Variants in CWH43 observed in about 807,000 individuals in gnomAD.
CWH43 encodes PGAP2-interacting protein.
A neutral mutation model predicts 85.7 loss-of-function variants in CWH43; 91 were observed. The observed-to-expected ratio is 1.06, with a 90% CI of 0.90 to 1.26. The LOEUF (loss-of-function observed/expected upper bound fraction) is 1.26, where lower values mean the gene tolerates loss of function less well. CWH43 is among the 50% of genes most tolerant of loss of function. The pLI, the probability that CWH43 is intolerant of heterozygous loss-of-function variation, is 0.00. For synonymous variants in CWH43, 323 were observed against 293.6 expected (o/e 1.10, Z -1.02); for missense variants, 869 against 839.2 (o/e 1.04, Z -0.44).
In CWH43 at chr4:49,062,075, C is replaced by G. The variant is rs1187377339; in HGVS notation, c.*185C>G. 9.1e-6 allele frequency: 3 copies of G among 331,380 alleles called. No homozygotes were observed. The East Asian group carries it at 1.9e-4, about 22-fold the overall frequency. 20.5% of individuals were successfully genotyped at this position (331,380 alleles called of 1,614,324 possible). On this transcript the variant is annotated 3_prime_UTR_variant, in exon 16 of 16. Coordinates refer to ENST00000226432, the MANE Select transcript of CWH43 (RefSeq NM_025087.3). ...TATGTTGCTTAATAAAAACATTTCT[C>G]TAAATTGTTTTCCCTAAATTTTGAT...
chr4:48,996,122 C>T (rs948082652), intron 5 of CWH43, among the ~76,000 whole-genome samples: 1 of 152,174 alleles, frequency 6.6e-6, no homozygotes, highest in Non-Finnish European at 1.5e-5. Flanking sequence ...TCCTGTCCCC[C>T]CTCTGCCTGG....
At chr4:49,030,446 G>T (rs1354684162) in intron 10 of CWH43, among the ~76,000 whole-genome samples, 1 of 152,274 alleles carries the variant, frequency 6.6e-6, no homozygotes, top group East Asian at 1.9e-4. Flanking sequence ...TTAGTTCTGG[G>T]TCAGTACTAT....
Position 49,004,002 on chromosome 4 carries a change from T to C in CWH43, c.1060+10T>C. 1.2e-6 allele frequency: 2 copies of C among 1,602,440 alleles called. No individual in the cohort carries two copies. The highest frequency in any genetic ancestry group is 1.7e-6 in the Non-Finnish European group (2 of 1,176,526). ...TCAGATGTGCTTTTGGGTGAGTACA[T>C]TTGAAAGGTCTGGATTAAAATAATT... On this transcript the variant is annotated intron_variant, in intron 7 of 15. Coordinates refer to ENST00000226432, the MANE Select transcript of CWH43 (RefSeq NM_025087.3).
intron 4 of CWH43, among the ~76,000 whole-genome samples, chr4:48,993,108 G>C (rs573154447): frequency 7.7e-4 from 117 of 152,256 alleles, no homozygotes; most frequent in African/African-American, 2.6e-3. Flanking sequence ...ATGTGACCCA[G>C]TTCCTGGCTG....
At chr4:48,989,246 A>G (rs1280046921) in intron 2 of CWH43, among the ~76,000 whole-genome samples, 2 of 152,202 alleles carry the variant, frequency 1.3e-5, no homozygotes, top group Non-Finnish European at 2.9e-5. Flanking sequence ...AATCAAATGT[A>G]TAGGTCATAA....
intron 8 of CWH43, among the ~76,000 whole-genome samples, chr4:49,014,993 A>G (rs1783494791): frequency 6.6e-6 from 1 of 152,096 alleles, no homozygotes; most frequent in South Asian, 2.1e-4. Flanking sequence ...ATCATACAGA[A>G]TACTTTCTCT....
chr4:48,999,808 ACCCAG>A (rs1782932270), intron 6 of CWH43, among the ~76,000 whole-genome samples: 1 of 151,932 alleles, frequency 6.6e-6, no homozygotes, highest in African/African-American at 2.4e-5. Flanking sequence ...CCAGCCTTCC[ACCCAG>A]CTGTAGGGTC....
chr4:49,061,477 T>C (rs1340838210), intron 15 of CWH43, among the ~76,000 whole-genome samples: 1 of 152,238 alleles, frequency 6.6e-6, no homozygotes, highest in Non-Finnish European at 1.5e-5. Flanking sequence ...TAGATTTTTA[T>C]ATGCATAAAT....
chr4:48,987,976 G>A (rs747897990), intron 1 of CWH43, among the ~76,000 whole-genome samples: 1 of 152,046 alleles, frequency 6.6e-6, no homozygotes, highest in Non-Finnish European at 1.5e-5. Flanking sequence ...GGGTCCTGAC[G>A]GGATGCCAAA....
chr4:49,007,800 G>A (rs1783210959), intron 8 of CWH43, among the ~76,000 whole-genome samples: 1 of 152,152 alleles, frequency 6.6e-6, no homozygotes, highest in Non-Finnish European at 1.5e-5. Context: ...CAAAGGACAT[G>A]AACTCATTTT....
At chr4:49,030,685 T>C in intron 10 of CWH43, 140 bp from the exon 11 acceptor site, 2 of 661,124 alleles carry the variant, frequency 3.0e-6, no homozygotes, top group Non-Finnish European at 4.5e-6. Flanking sequence ...CACTTCTCTC[T>C]AGTGACTCAC....
chr4:49,046,065 A>G (rs1784612641), intron 14 of CWH43, among the ~76,000 whole-genome samples: 1 of 151,334 alleles, frequency 6.6e-6, no homozygotes, highest in South Asian at 2.1e-4. Flanking sequence ...CTTCTTTTTT[A>G]TTTGTTTATT....
chr4:48,996,733 A>G (rs1382274251), intron 5 of CWH43, among the ~76,000 whole-genome samples: 1 of 152,212 alleles, frequency 6.6e-6, no homozygotes, highest in African/African-American at 2.4e-5. Flanking sequence ...TGGGCCAATC[A>G]TATTACATCC....
intron 8 of CWH43, among the ~76,000 whole-genome samples, chr4:49,013,915 AAATGTACTG>A: frequency 6.6e-6 from 1 of 152,328 alleles, no homozygotes; most frequent in East Asian, 1.9e-4. Flanking sequence ...GATTAAATAA[AAATGTACTG>A]AATGTATTTA....
rs1782691491 is a variant in CWH43, at chr4:48,992,578, T to A, written c.511+488T>A. Among the ~76,000 whole-genome samples the A allele has an allele frequency of 2.0e-5, 3 of 152,194 alleles. No homozygotes were observed. The highest frequency in any genetic ancestry group is 4.4e-5 in the Non-Finnish European group (3 of 68,034). On this transcript the variant is annotated intron_variant, in intron 4 of 15. Coordinates refer to ENST00000226432, the MANE Select transcript of CWH43 (RefSeq NM_025087.3). This position sits in a 1 kb window ranked among gnomAD's most constrained non-coding sequence, Gnocchi z 4.3. ...CTAAGAATTGAAAAGATAAGAAACC[T>A]TGCATATGCATACTGACTTTCCAAT...
chr4:49,044,907 T>A, intron 14 of CWH43, 60 bp downstream of exon 14: 1 of 1,392,520 alleles, frequency 7.2e-7, no homozygotes, highest in Non-Finnish European at 1.0e-6. Flanking sequence ...TTTGGGTCTG[T>A]CTGAGAAGGA....
rs116457201 is a variant in CWH43 at position 48,999,048 on chromosome 4, T to C, written c.802+500T>C. ...TTTGTTACCCAGGTAATAAGCCTAG[T>C]ACCCGTTATTCTTCCTGATCCTCTC... On this transcript the variant is annotated intron_variant, in intron 6 of 15. Coordinates refer to ENST00000226432, the MANE Select transcript of CWH43 (RefSeq NM_025087.3). Among the ~76,000 whole-genome samples the C allele has an allele frequency of 2.4e-3, 364 of 152,246 alleles. 2 individuals are homozygous for C. The highest frequency in any genetic ancestry group is 8.5e-3 in the African/African-American group (354 of 41,562).
chr4:49,020,416 C>CACACACACACACACACACATATAT (rs140534523), intron 9 of CWH43, among the ~76,000 whole-genome samples: 13 of 128,394 alleles, frequency 1.0e-4, no homozygotes, highest in Admixed American at 3.6e-4. Flanking sequence ...CACACACACA[C>CACACACACACACACACACATATAT]ATATATATAT....
intron 8 of CWH43, among the ~76,000 whole-genome samples, chr4:49,012,190 C>A (rs1289385954): frequency 6.6e-6 from 1 of 152,146 alleles, no homozygotes; most frequent in Non-Finnish European, 1.5e-5. Flanking sequence ...TCTTTTTTCT[C>A]TAAACTTGTC....
Sources: gnomAD v4.1 joint callset for allele counts (sites outside exome capture counted in the v4.1 genomes callset) on GRCh38, gnomAD v4.1.1 for gene constraint, Gnocchi (gnomAD v3.1) non-coding constraint, MANE v1.5 for transcripts, NCBI Gene and HGNC (gene_info 2026-07-23, HGNC 2026-07-21) for gene names.